Variants in RHCG observed in about 807,000 individuals in gnomAD.
RHCG encodes ammonium transporter Rh type C.
RHCG carries 39 observed loss-of-function variants against 55.3 expected under a neutral mutation model. That is an observed-to-expected ratio of 0.70 (90% CI 0.55 to 0.92). The LOEUF (loss-of-function observed/expected upper bound fraction) is 0.92, where lower values mean the gene tolerates loss of function less well. RHCG is among the 40% of genes least tolerant of loss of function. RHCG has a pLI of 0.00. For synonymous variants in RHCG, 250 were observed against 246.8 expected, an observed-to-expected ratio of 1.01 and a Z score of -0.12; for missense variants, 635 against 627.9, an observed-to-expected ratio of 1.01 and a Z score of -0.12.
intron 9 of RHCG, among the ~76,000 whole-genome samples, chr15:89,474,636 C>T (rs986951872): frequency 6.6e-6 from 1 of 152,238 alleles, no homozygotes; most frequent in African/African-American, 2.4e-5. Flanking sequence ...GACATTCCAC[C>T]ACTTTCATAT....
intron 1 of RHCG, among the ~76,000 whole-genome samples, chr15:89,487,579 A>G (rs540409129): frequency 6.6e-6 from 1 of 152,202 alleles, no homozygotes; most frequent in South Asian, 2.1e-4. Flanking sequence ...ACATCCCCAT[A>G]TCCCACCACT....
At chr15:89,491,625 G>A (rs1305131288) in intron 1 of RHCG, among the ~76,000 whole-genome samples, 6 of 151,996 alleles carry the variant, frequency 3.9e-5, no homozygotes, top group Admixed American at 1.3e-4. Context: ...AAATTAGCCG[G>A]GCAAGGTAGT....
intron 9 of RHCG, among the ~76,000 whole-genome samples, chr15:89,475,180 GC>G (rs1961124109): frequency 7.9e-6 from 1 of 126,032 alleles, no homozygotes. Context: ...CTGCCTTCCT[GC>G]CTGCCTGCCT....
chr15:89,489,806 C>T (rs994286071), intron 1 of RHCG, among the ~76,000 whole-genome samples: 1 of 152,218 alleles, frequency 6.6e-6, no homozygotes, highest in East Asian at 1.9e-4. Flanking sequence ...AGGTTCTCCC[C>T]CTATGGCACC....
At chr15:89,474,768 TCCTTCCTTCCTG>T (rs1961102570) in intron 9 of RHCG, among the ~76,000 whole-genome samples, 1 of 118,450 alleles carries the variant, frequency 8.4e-6, no homozygotes, top group South Asian at 2.5e-4. Context: ...CTTCCTGCCT[TCCTTCCTTCCTG>T]CCTGCCTTCC....
At chr15:89,472,690 C>T in intron 10 of RHCG, 21 bp downstream of exon 10, 4 of 1,599,014 alleles carry the variant, frequency 2.5e-6, no homozygotes, top group Non-Finnish European at 3.4e-6. Context: ...CTGTCATCCC[C>T]CAAGCCAAGC....
Position 89,492,720 on chromosome 15 carries a change from AT to A in RHCG, c.184+3640del, listed in dbSNP as rs1217671062. On this transcript the variant is annotated intron_variant, in intron 1 of 10. Transcript: ENST00000268122. ...CCACCTGACAGGGCAGGCAAAAAGC[AT>A]TTTGTGATTGGGAAGTGCACAAAAG... Among the ~76,000 whole-genome samples, 4 of 152,378 alleles carry A rather than the reference AT, an allele frequency of 2.6e-5. No individual in the cohort carries two copies. In the East Asian group the frequency reaches 7.7e-4, roughly 29 times the overall value.
In RHCG at chr15:89,487,003, C is replaced by T. The variant is rs772312088; in HGVS notation, c.185-18G>A. On this transcript the variant is annotated intron_variant, in intron 1 of 10. Coordinates refer to ENST00000268122, the MANE Select transcript of RHCG (RefSeq NM_016321.3). Reference sequence around the variant, plus strand: ...CTGGAAGCCTGCGGGGACAGTGCAGCCCGGGACTCGGTGGTCTGGCGAAGG... The same window carrying T: ...CTGGAAGCCTGCGGGGACAGTGCAGTCCGGGACTCGGTGGTCTGGCGAAGG... The T allele has an allele frequency of 5.2e-6, 8 of 1,543,938 alleles. No individual in the cohort carries two copies. Among genetic ancestry groups the T allele is most frequent in the Admixed American group, 2.0e-5 (1 of 51,108 alleles).
chr15:89,477,212 G>A lies in RHCG; in HGVS notation c.1113-6C>T, dbSNP rs746426557. On this transcript the variant is annotated splice_polypyrimidine_tract_variant and splice_region_variant and intron_variant, in intron 7 of 10. Transcript: ENST00000268122. The surrounding 1 kb of genome is among the most constrained non-coding windows in gnomAD (Gnocchi z 4.5). ...AGTCAAAGGAATGGACAAGCCTGGG[G>A]TGGAGACAGGGGGCAGGTCAGGGCC... 12 of 1,614,006 alleles carry A rather than the reference G, an allele frequency of 7.4e-6. No individual in the cohort carries two copies. The Admixed American group carries it at 2.0e-4, about 27-fold the overall frequency.
chr15:89,484,968 G>A (rs1368631880), intron 2 of RHCG, among the ~76,000 whole-genome samples: 4 of 152,126 alleles, frequency 2.6e-5, no homozygotes, highest in Non-Finnish European at 5.9e-5. Flanking sequence ...GGACAGGCCA[G>A]AAGCCAGGGG....
At chr15:89,479,203 C>T (rs1961216179) in intron 5 of RHCG, 119 bp downstream of exon 5, 2 of 1,041,222 alleles carry the variant, frequency 1.9e-6, no homozygotes, top group South Asian at 3.4e-5. Context: ...TCATTTCTCC[C>T]CCAACCTCAT....
chr15:89,488,693 A>G (rs1961417410), intron 1 of RHCG, among the ~76,000 whole-genome samples: 1 of 151,892 alleles, frequency 6.6e-6, no homozygotes, highest in South Asian at 2.1e-4. Context: ...GAAATGTTCC[A>G]GATTAAAAGA....
At chr15:89,479,713 C>G (rs1318286426) in intron 4 of RHCG, 13 of 551,684 alleles carry the variant, frequency 2.4e-5, no homozygotes, top group Non-Finnish European at 4.2e-5. Context: ...ACCCTGACCC[C>G]CATTTCTGGG....
In RHCG at chr15:89,477,061, G is replaced by T. The variant is rs1348185709; in HGVS notation, c.1237+21C>A. ...CCCCACAGCAGCACCCCCCTTCTCT[G>T]GCTCAGCCATTCCTGCTCACCCACA... On this transcript the variant is annotated intron_variant, in intron 8 of 10. Transcript: ENST00000268122. This position sits in a 1 kb window ranked among gnomAD's most constrained non-coding sequence, Gnocchi z 4.5. 3.1e-6 allele frequency: 5 copies of T among 1,613,748 alleles called. No homozygotes were observed. The highest frequency in any genetic ancestry group is 4.2e-6 in the Non-Finnish European group (5 of 1,179,906).
At chr15:89,476,125 G>A (rs1394074091) in intron 9 of RHCG, among the ~76,000 whole-genome samples, 3 of 151,850 alleles carry the variant, frequency 2.0e-5, no homozygotes, top group African/African-American at 7.3e-5. Context: ...GGAGTGCAGT[G>A]GCGCCATCAT....
At chr15:89,486,690 A>G (rs1961376729) in intron 2 of RHCG, 109 bp downstream of exon 2, 1 of 1,075,680 alleles carries the variant, frequency 9.3e-7, no homozygotes, top group Non-Finnish European at 1.3e-6. Context: ...GTTGCCCTCC[A>G]GCCTCAAGCC....
chr15:89,472,091 G>A (rs1961048183), intron 10 of RHCG, among the ~76,000 whole-genome samples: 1 of 152,152 alleles, frequency 6.6e-6, no homozygotes, highest in African/African-American at 2.4e-5. Context: ...CAGTAACAAT[G>A]ACCAGCAAGG....
intron 10 of RHCG, among the ~76,000 whole-genome samples, chr15:89,472,126 T>C (rs946086439): frequency 6.6e-6 from 1 of 152,208 alleles, no homozygotes; most frequent in Admixed American, 6.5e-5. Flanking sequence ...ACTTGCTAGT[T>C]GTGTGATCTT....
chr15:89,493,252 T>C (rs1481976536), intron 1 of RHCG, among the ~76,000 whole-genome samples: 1 of 152,152 alleles, frequency 6.6e-6, no homozygotes, highest in Non-Finnish European at 1.5e-5. Context: ...CCCTGGTGGC[T>C]CCTCCTTGGG....
Sources: gnomAD v4.1 joint callset for allele counts (sites outside exome capture counted in the v4.1 genomes callset) on GRCh38, gnomAD v4.1.1 for gene constraint, Gnocchi (gnomAD v3.1) non-coding constraint, MANE v1.5 for transcripts, NCBI Gene and HGNC (gene_info 2026-07-23, HGNC 2026-07-21) for gene names.